Variants in RFX4 observed in about 807,000 individuals in gnomAD.
RFX4 encodes the protein regulatory factor X4, also known as transcription factor RFX4.
Under a neutral mutation model 95.0 loss-of-function variants are expected in RFX4, and 10 were observed. The ratio of observed to expected loss-of-function variants is 0.11; its 90% CI spans 0.06 to 0.18. The LOEUF is 0.18. Among genes scored for constraint, RFX4 ranks in the 10% least tolerant of loss-of-function variants. The pLI, the probability that RFX4 is intolerant of heterozygous loss-of-function variation, is 1.00. For synonymous variants in RFX4, 321 were observed against 340.7 expected (o/e 0.94, Z 0.64); for missense variants, 640 against 922.0 (o/e 0.69, Z 3.96).
At chr12:106,592,963 G>A (rs899902920) in intron 1 of RFX4, among the ~76,000 whole-genome samples, 1 of 152,170 alleles carries the variant, frequency 6.6e-6, no homozygotes, top group African/African-American at 2.4e-5. Flanking sequence ...TTTGCTTTCA[G>A]TTGAATTGGG....
intron 3 of RFX4, among the ~76,000 whole-genome samples, chr12:106,651,842 T>C (rs1172376641): frequency 1.3e-5 from 2 of 152,202 alleles, no homozygotes; most frequent in Non-Finnish European, 2.9e-5. Context: ...CAGATTCTTA[T>C]GTGCAATGTC....
At chr12:106,588,141 CACAATT>C (rs1418859664) in intron 1 of RFX4, among the ~76,000 whole-genome samples, 1 of 152,160 alleles carries the variant, frequency 6.6e-6, no homozygotes. Context: ...TGACCCACTG[CACAATT>C]AGGTAATTTC....
intron 14 of RFX4, 72 bp downstream of exon 14, chr12:106,732,321 T>A: frequency 6.3e-7 from 1 of 1,575,120 alleles, no homozygotes; most frequent in South Asian, 1.2e-5. Context: ...GTGCTTTATG[T>A]TTCTTTAACT....
intron 15 of RFX4, among the ~76,000 whole-genome samples, chr12:106,736,363 T>G (rs1455317993): frequency 2.0e-5 from 3 of 152,200 alleles, no homozygotes; most frequent in Non-Finnish European, 4.4e-5. Flanking sequence ...CTGGTCCTGC[T>G]GCAGACCCAA....
At position 106,732,131 on chromosome 12, in the gene RFX4, G is replaced by T. The variant is rs1252903637; in HGVS notation, c.1353G>T (p.Gly451=). 2 of 1,612,772 alleles carry T rather than the reference G, an allele frequency of 1.2e-6. No homozygotes were observed. The highest frequency in any genetic ancestry group is 8.5e-7 in the Non-Finnish European group (1 of 1,179,298). Residue 451 remains glycine, a splice_region_variant and synonymous_variant, in exon 14 of 18, where the codon GGG becomes GGT. Transcript: ENST00000392842. ...CTGTTTGATCCTTTTTTTCACCAGG[G>T]TCTTTTCACCTAATTCACTTAATGT... ...DMTLHSAPSF[G]SFHLIHLMFD... is the part of the protein sequence containing the mutation.
intron 1 of RFX4, chr12:106,601,119 T>C: frequency 7.0e-7 from 1 of 1,418,766 alleles, no homozygotes; most frequent in Non-Finnish European, 9.3e-7. Context: ...CAGCAGCCCC[T>C]GGGGCAGGAC....
chr12:106,756,171 C>A (rs1486636900), intron 17 of RFX4, among the ~76,000 whole-genome samples: 1 of 152,180 alleles, frequency 6.6e-6, no homozygotes, highest in Non-Finnish European at 1.5e-5. Flanking sequence ...TTTGGAAAAA[C>A]ATTGCAACTG....
At chr12:106,712,322 C>T (rs1592969641) in intron 10 of RFX4, among the ~76,000 whole-genome samples, 1 of 152,324 alleles carries the variant, frequency 6.6e-6, no homozygotes, top group East Asian at 1.9e-4. Flanking sequence ...CAACTTGCTC[C>T]CAGAGTCCCA....
At chr12:106,740,914 G>A (rs778097818) in intron 15 of RFX4, among the ~76,000 whole-genome samples, 3 of 152,134 alleles carry the variant, frequency 2.0e-5, no homozygotes, top group Non-Finnish European at 2.9e-5. Context: ...TCTATGCGAC[G>A]GGGAAAAGCA....
chr12:106,707,596 A>C (rs1254071476), intron 8 of RFX4, among the ~76,000 whole-genome samples: 2 of 152,120 alleles, frequency 1.3e-5, no homozygotes, highest in Non-Finnish European at 2.9e-5. Context: ...GCAGATGAGA[A>C]ACATGACAAG....
intron 17 of RFX4, 41 bp downstream of exon 17, chr12:106,750,834 A>G (rs1201085321): frequency 6.7e-7 from 1 of 1,484,348 alleles, no homozygotes. Flanking sequence ...GCCTTGGTAT[A>G]CTTGGTGCCA....
intron 13 of RFX4, among the ~76,000 whole-genome samples, chr12:106,723,397 T>C (rs2042431836): frequency 1.3e-5 from 2 of 152,230 alleles, no homozygotes; most frequent in Admixed American, 6.5e-5. Context: ...CTCAAGTTGG[T>C]GCCAGCGCCT....
At chr12:106,710,120 C>A (rs2042164010) in intron 9 of RFX4, among the ~76,000 whole-genome samples, 1 of 152,142 alleles carries the variant, frequency 6.6e-6, no homozygotes, top group African/African-American at 2.4e-5. Context: ...TCGTTTGCTG[C>A]TATTAAACAA....
At chr12:106,595,035 G>A (rs2039598897) in intron 1 of RFX4, among the ~76,000 whole-genome samples, 1 of 152,102 alleles carries the variant, frequency 6.6e-6, no homozygotes, top group African/African-American at 2.4e-5. Flanking sequence ...GTCCCTTTTG[G>A]AAATTGAGTA....
intron 8 of RFX4, among the ~76,000 whole-genome samples, chr12:106,707,161 T>C (rs1165347741): frequency 6.6e-6 from 1 of 152,126 alleles, no homozygotes; most frequent in East Asian, 1.9e-4. Context: ...TCTTGGGGTA[T>C]GTTTGAAATT....
chr12:106,596,758 T>C (rs1289318678), intron 1 of RFX4, among the ~76,000 whole-genome samples: 1 of 152,278 alleles, frequency 6.6e-6, no homozygotes, highest in African/African-American at 2.4e-5. Flanking sequence ...TATGGTTATT[T>C]GGAGCTTTTC....
chr12:106,679,483 C>T (rs192835405), intron 4 of RFX4, among the ~76,000 whole-genome samples: 13 of 151,936 alleles, frequency 8.6e-5, no homozygotes, highest in Non-Finnish European at 1.8e-4. Context: ...AAACCAAAAA[C>T]CACAATACTT....
intron 15 of RFX4, among the ~76,000 whole-genome samples, chr12:106,734,642 T>C (rs1592996605): frequency 6.7e-6 from 1 of 150,134 alleles, no homozygotes; most frequent in African/African-American, 2.4e-5. Flanking sequence ...CAATTAAAAG[T>C]CACCCAAGCA....
At chr12:106,684,605 G>GT in intron 5 of RFX4, 1 of 1,047,310 alleles carries the variant, frequency 9.5e-7, no homozygotes, top group Non-Finnish European at 1.3e-6. Context: ...CTCTTAAGAA[G>GT]TTATAAAGGT....
Sources: allele counts gnomAD v4.1 joint callset (sites outside exome capture counted in the v4.1 genomes callset), GRCh38; gene constraint gnomAD v4.1.1; transcripts MANE v1.5; gene names NCBI Gene and HGNC (gene_info 2026-07-23, HGNC 2026-07-21).